Variants in RNGTT observed in about 807,000 individuals in gnomAD.
The protein encoded by RNGTT is mRNA-capping enzyme.
In RNGTT, 33 loss-of-function variants were observed where a neutral mutation model predicts 79.3. That is an observed-to-expected ratio of 0.42 (90% confidence interval 0.32 to 0.56). RNGTT has a LOEUF of 0.56. RNGTT is among the 20% of genes least tolerant of loss of function. The probability of loss-of-function intolerance (pLI) is 0.17; values close to 1 mark genes in which losing one functional copy is unlikely to be tolerated. For missense variants in RNGTT, 497 were observed against 739.1 expected, an observed-to-expected ratio of 0.67 and a Z score of 3.80; for synonymous variants, 222 against 235.9, an observed-to-expected ratio of 0.94 and a Z score of 0.54.
intron 13 of RNGTT, among the ~76,000 whole-genome samples, chr6:88,758,524 T>C (rs1324511970): frequency 6.6e-6 from 1 of 152,202 alleles, no homozygotes; most frequent in Non-Finnish European, 1.5e-5. Flanking sequence ...TTGATGAAAC[T>C]GACATATTTG....
At chr6:88,853,331 A>C (rs9351190) in intron 9 of RNGTT, among the ~76,000 whole-genome samples, 108,720 of 151,902 alleles carry the variant, frequency 0.72, 39,921 homozygotes, top group African/African-American at 0.86. Context: ...CATGTGAAAC[A>C]CCTTCTCTAC....
rs1415791794 is a variant in RNGTT at position 88,698,224 on chromosome 6, T to TATATATGAA, written c.1440-19806_1440-19805insTTCATATAT. On this transcript the variant is annotated intron_variant, in intron 13 of 15. Transcript: ENST00000369485. ...TGATATATATGAAATATATATATCA[T>TATATATGAA]ATATATATGAAATATATATATGAAA... 3.0e-3 allele frequency among the ~76,000 whole-genome samples: 234 copies of TATATATGAA among 77,526 alleles called. 4 individuals are homozygous for TATATATGAA. In the African/African-American group the frequency reaches 0.036, roughly 12 times the overall value. 50.9% of individuals were successfully genotyped at this position (77,526 alleles called of 152,430 possible).
chr6:88,776,301 C>T (rs1778876776), intron 12 of RNGTT, among the ~76,000 whole-genome samples: 1 of 150,224 alleles, frequency 6.7e-6, no homozygotes, highest in African/African-American at 2.4e-5. Context: ...TGTTGAGCAC[C>T]TTTTCATACA....
Position 88,929,030 on chromosome 6 carries a change from G to A in RNGTT, c.322C>T (p.Arg108Cys), listed in dbSNP as rs767357057. 9 of 1,612,640 alleles carry A rather than the reference G, an allele frequency of 5.6e-6. No individual in the cohort carries two copies. The highest frequency in any genetic ancestry group is 2.7e-5 in the African/African-American group (2 of 74,778). Residue 108 changes from arginine (R) to cysteine (C), a missense_variant, in exon 4 of 16, where the codon CGT becomes TGT. Physicochemically the swap from Arg to Cys is radical, Grantham distance 180. Around this residue, in one of 3 missense-constraint regions of RNGTT, gnomAD observed 440 missense variants for 671.5 expected, o/e 0.66. Coordinates refer to ENST00000369485, the MANE Select transcript of RNGTT (RefSeq NM_003800.5). Reference protein sequence around the residue: ...PTTENTETFIRLCERFNERNP... With the variant: ...PTTENTETFICLCERFNERNP... ...CTTTCATTAAACCGCTCACACAGAC[G>A]AATAAAGGTCTCAGTATTCTCAGTG...
intron 14 of RNGTT, among the ~76,000 whole-genome samples, chr6:88,667,784 G>C (rs1232877059): frequency 2.0e-5 from 3 of 152,190 alleles, no homozygotes; most frequent in African/African-American, 7.2e-5. Flanking sequence ...CAACCTTGGA[G>C]TTCCGGAAAG....
At position 88,853,503 on chromosome 6, in the gene RNGTT, T is replaced by C. The variant is rs935859850; in HGVS notation, c.1032+126A>G. On this transcript the variant is annotated intron_variant, in intron 9 of 15. Coordinates refer to ENST00000369485, the MANE Select transcript of RNGTT (RefSeq NM_003800.5). Reference sequence around the variant, plus strand: ...CTGGGCGACAGAGCGAGACTCCGTCTCAAAAAAAAAAAAAAAAAAGTTAGA... The same window carrying C: ...CTGGGCGACAGAGCGAGACTCCGTCCCAAAAAAAAAAAAAAAAAAGTTAGA... 2.7e-5 allele frequency: 16 copies of C among 600,616 alleles called. 1 individual carries two copies. In the Admixed American group the frequency reaches 5.4e-4, roughly 20 times the overall value. 37.2% of individuals were successfully genotyped at this position (600,616 alleles called of 1,614,324 possible). A position where few individuals can be genotyped will look rare whatever the true frequency, so the allele number is the denominator to read the frequency against.
intron 6 of RNGTT, among the ~76,000 whole-genome samples, chr6:88,904,147 A>G (rs1322407162): frequency 6.6e-6 from 1 of 152,144 alleles, no homozygotes; most frequent in Non-Finnish European, 1.5e-5. Context: ...GTAAAGAAAT[A>G]GTAAGTTCTC....
At chr6:88,668,754 A>T (rs952033169) in intron 14 of RNGTT, among the ~76,000 whole-genome samples, 2 of 152,164 alleles carry the variant, frequency 1.3e-5, no homozygotes, top group Middle Eastern at 3.2e-3. Context: ...AAGTAAAGTA[A>T]TACCAGAACA....
At chr6:88,712,263 G>C (rs1193985173) in intron 13 of RNGTT, among the ~76,000 whole-genome samples, 1 of 152,136 alleles carries the variant, frequency 6.6e-6, no homozygotes, top group Admixed American at 6.5e-5. Flanking sequence ...TTCAAACATA[G>C]GAAGAATTAA....
intron 11 of RNGTT, among the ~76,000 whole-genome samples, chr6:88,833,122 C>A (rs879698919): frequency 1.7e-4 from 26 of 152,122 alleles, no homozygotes; most frequent in Non-Finnish European, 3.1e-4. Flanking sequence ...GACACATGCA[C>A]ATGTATGTTT....
intron 13 of RNGTT, among the ~76,000 whole-genome samples, chr6:88,756,962 T>C (rs1778038146): frequency 6.6e-6 from 1 of 152,184 alleles, no homozygotes; most frequent in African/African-American, 2.4e-5. Flanking sequence ...AATTACACAA[T>C]TTTATCACAA....
chr6:88,951,816 G>A (rs1207524574), intron 1 of RNGTT, among the ~76,000 whole-genome samples: 3 of 152,192 alleles, frequency 2.0e-5, no homozygotes, highest in African/African-American at 7.2e-5. Flanking sequence ...ACATCTCACA[G>A]GGGCCCTCGG....
chr6:88,792,128 T>A (rs1186694914), intron 12 of RNGTT, among the ~76,000 whole-genome samples: 1 of 152,174 alleles, frequency 6.6e-6, no homozygotes, highest in Non-Finnish European at 1.5e-5. Flanking sequence ...GTTTTAGATA[T>A]TAAAAACTAG....
At chr6:88,938,560 C>T (rs1300479931) in intron 2 of RNGTT, among the ~76,000 whole-genome samples, 2 of 152,068 alleles carry the variant, frequency 1.3e-5, no homozygotes, top group Non-Finnish European at 2.9e-5. Flanking sequence ...AAGGCTTATT[C>T]CTGTCATTTT....
intron 13 of RNGTT, among the ~76,000 whole-genome samples, chr6:88,683,102 A>G (rs1222187802): frequency 6.6e-6 from 1 of 152,140 alleles, no homozygotes; most frequent in Non-Finnish European, 1.5e-5. Context: ...AGTAACTGAA[A>G]CCCAACAAAA....
At chr6:88,822,845 A>T (rs1780537420) in intron 11 of RNGTT, among the ~76,000 whole-genome samples, 1 of 152,162 alleles carries the variant, frequency 6.6e-6, no homozygotes, top group African/African-American at 2.4e-5. Context: ...CCAGGAAAAG[A>T]AGTCTTTTCA....
chr6:88,866,962 A>C (rs1291194638), intron 8 of RNGTT, among the ~76,000 whole-genome samples: 5 of 152,338 alleles, frequency 3.3e-5, no homozygotes, highest in African/African-American at 1.2e-4. Flanking sequence ...TAACCTGAGA[A>C]AACGGAGTCA....
chr6:88,938,079 G>A (rs1404810993), intron 2 of RNGTT, among the ~76,000 whole-genome samples: 2 of 152,130 alleles, frequency 1.3e-5, no homozygotes, highest in Non-Finnish European at 2.9e-5. Context: ...TAAATCCAAT[G>A]TTTGTTAATT....
At chr6:88,663,840 G>A (rs1202829004) in intron 14 of RNGTT, among the ~76,000 whole-genome samples, 2 of 152,188 alleles carry the variant, frequency 1.3e-5, no homozygotes, top group Non-Finnish European at 2.9e-5. Flanking sequence ...TGGTAGGGGT[G>A]CCTTTGTGTA....
Sources: allele counts gnomAD v4.1 joint callset (sites outside exome capture counted in the v4.1 genomes callset), GRCh38; gene constraint gnomAD v4.1.1; regional missense constraint gnomAD v4.1.1; transcripts MANE v1.5; gene names NCBI Gene and HGNC (gene_info 2026-07-23, HGNC 2026-07-21).